Variants in B3GALT1 observed in about 807,000 individuals in gnomAD.
B3GALT1 encodes the protein UDP-Gal:betaGlcNAc beta 1,3-galactosyltransferase, polypeptide 1.
Under a neutral mutation model 23.2 loss-of-function variants are expected in B3GALT1, and 10 were observed. The ratio of observed to expected loss-of-function variants is 0.43; its 90% CI spans 0.27 to 0.73. The LOEUF (loss-of-function observed/expected upper bound fraction) is 0.73, where lower values mean the gene tolerates loss of function less well. Among genes scored for constraint, B3GALT1 ranks in the 30% least tolerant of loss-of-function variants. B3GALT1 has a pLI of 0.21. For synonymous variants in B3GALT1, 156 were observed against 141.5 expected (o/e 1.10, Z -0.73); for missense variants, 299 against 405.4 (o/e 0.74, Z 2.25).
intron 2 of B3GALT1, among the ~76,000 whole-genome samples, chr2:167,623,741 T>TA: frequency 6.6e-6 from 1 of 152,070 alleles, no homozygotes; most frequent in Non-Finnish European, 1.5e-5. Context: ...TCCCAGAACT[T>TA]AAAGTATAAT....
chr2:167,674,325 T>C (rs997971), intron 3 of B3GALT1, among the ~76,000 whole-genome samples: 20,878 of 152,084 alleles, frequency 0.14, 3,736 homozygotes, highest in African/African-American at 0.4. Flanking sequence ...TTTGTCTCCA[T>C]CTCTCCCTGC....
intron 3 of B3GALT1, among the ~76,000 whole-genome samples, chr2:167,721,211 A>G (rs1687227810): frequency 6.6e-6 from 1 of 152,240 alleles, no homozygotes; most frequent in Non-Finnish European, 1.5e-5. Context: ...ACAGTTACAG[A>G]TAATTTATTT....
chr2:167,480,826 A>G (rs1699555007), intron 1 of B3GALT1, among the ~76,000 whole-genome samples: 1 of 152,196 alleles, frequency 6.6e-6, no homozygotes, highest in Non-Finnish European at 1.5e-5. Flanking sequence ...CCAACTGGCC[A>G]GAGTTTCAAC....
chr2:167,298,529 C>T lies in B3GALT1; in HGVS notation c.-511+5195C>T, dbSNP rs185045057. ...ATTTATAAGGCTGGACGTAACTTTG[C>T]AAGTAAAATATTTGTATTTACTTCA... On this transcript the variant is annotated intron_variant, in intron 1 of 4. Coordinates refer to ENST00000392690, the MANE Select transcript of B3GALT1 (RefSeq NM_020981.4). Among the ~76,000 whole-genome samples the T allele has an allele frequency of 2.9e-3, 443 of 152,128 alleles. 2 individuals carry two copies. Among genetic ancestry groups the T allele is most frequent in the Non-Finnish European group, 4.7e-3 (322 of 67,932 alleles).
At position 167,639,596 on chromosome 2, in the gene B3GALT1, G is replaced by A. The variant is rs933883041; in HGVS notation, c.-409-7313G>A. ...AGAAGCTTTATATTAGTGATTACTG[G>A]AGACTTAGATAGACAGAGATACAGA... On this transcript the variant is annotated intron_variant, in intron 2 of 4. Transcript: ENST00000392690. Among the ~76,000 whole-genome samples the A allele has an allele frequency of 8.0e-5, 5 of 62,688 alleles. 1 individual carries two copies. The highest frequency in any genetic ancestry group is 2.1e-4 in the Admixed American group (1 of 4,784). 41.1% of individuals were successfully genotyped at this position (62,688 alleles called of 152,430 possible). A position where few individuals can be genotyped will look rare whatever the true frequency, so the allele number is the denominator to read the frequency against.
At chr2:167,362,599 T>G (rs904855968) in intron 1 of B3GALT1, among the ~76,000 whole-genome samples, 1 of 152,124 alleles carries the variant, frequency 6.6e-6, no homozygotes, top group Non-Finnish European at 1.5e-5. Flanking sequence ...CATGTCCCCG[T>G]TGTCTCTTGC....
chr2:167,695,653 GA>G (rs1686781045), intron 3 of B3GALT1, among the ~76,000 whole-genome samples: 1 of 152,084 alleles, frequency 6.6e-6, no homozygotes, highest in South Asian at 2.1e-4. Flanking sequence ...TAACCTTTGT[GA>G]TCCCACTTGA....
rs1269475180 is a variant in B3GALT1, at chr2:167,663,733, G to A, written c.-352+16767G>A. On this transcript the variant is annotated intron_variant, in intron 3 of 4. Coordinates refer to ENST00000392690, the MANE Select transcript of B3GALT1 (RefSeq NM_020981.4). ...CCAGTGATGGTGAGCATTTTTTCAT[G>A]TGTTTTTTGGCTGCATAAATGTCTT... Among the ~76,000 whole-genome samples the A allele has an allele frequency of 6.6e-5, 10 of 152,014 alleles. No homozygotes were observed. In the East Asian group the frequency reaches 1.9e-3, roughly 30 times the overall value.
intron 1 of B3GALT1, among the ~76,000 whole-genome samples, chr2:167,430,028 A>G (rs1698685360): frequency 6.6e-6 from 1 of 152,250 alleles, no homozygotes; most frequent in Admixed American, 6.5e-5. Context: ...CAGACAAAAT[A>G]TTTAAATAAA....
intron 3 of B3GALT1, among the ~76,000 whole-genome samples, chr2:167,693,935 T>C (rs983838750): frequency 1.3e-5 from 2 of 152,148 alleles, no homozygotes; most frequent in Non-Finnish European, 2.9e-5. Flanking sequence ...AGCTGGGCAG[T>C]TCTTCTTTTC....
intron 1 of B3GALT1, among the ~76,000 whole-genome samples, chr2:167,318,552 A>C (rs2105491217): frequency 6.6e-6 from 1 of 152,112 alleles, no homozygotes; most frequent in Admixed American, 6.5e-5. Flanking sequence ...ATCCAACTTA[A>C]GTTTCTGCAC....
At chr2:167,360,808 T>G (rs974042972) in intron 1 of B3GALT1, among the ~76,000 whole-genome samples, 1 of 152,138 alleles carries the variant, frequency 6.6e-6, no homozygotes, top group Admixed American at 6.6e-5. Context: ...CTAGAACATA[T>G]TCCTTCTATC....
At chr2:167,406,581 G>T (rs1158959306) in intron 1 of B3GALT1, among the ~76,000 whole-genome samples, 2 of 152,126 alleles carry the variant, frequency 1.3e-5, no homozygotes, top group Non-Finnish European at 2.9e-5. Flanking sequence ...TGGTCAGCCG[G>T]CTTCCCCACC....
intron 1 of B3GALT1, among the ~76,000 whole-genome samples, chr2:167,432,658 G>C (rs919920124): frequency 6.6e-6 from 1 of 152,148 alleles, no homozygotes; most frequent in Non-Finnish European, 1.5e-5. Flanking sequence ...GGCATAGATA[G>C]TCCTCCACCT....
chr2:167,580,106 G>A (rs1684457991), intron 2 of B3GALT1, among the ~76,000 whole-genome samples: 1 of 152,134 alleles, frequency 6.6e-6, no homozygotes, highest in Admixed American at 6.5e-5. Context: ...GTACTGTATT[G>A]CATCTTCTGC....
chr2:167,497,781 C>A (rs1299624991), intron 2 of B3GALT1, among the ~76,000 whole-genome samples: 1 of 151,818 alleles, frequency 6.6e-6, no homozygotes, highest in African/African-American at 2.4e-5. Flanking sequence ...CCAGGGCTTA[C>A]AGAGGCCATT....
At chr2:167,616,014 A>G (rs1320892060) in intron 2 of B3GALT1, among the ~76,000 whole-genome samples, 1 of 152,092 alleles carries the variant, frequency 6.6e-6, no homozygotes, top group Non-Finnish European at 1.5e-5. Context: ...TGAGTTATTC[A>G]TGGTCAGGAA....
At chr2:167,515,397 C>T (rs548245495) in intron 2 of B3GALT1, among the ~76,000 whole-genome samples, 1 of 152,214 alleles carries the variant, frequency 6.6e-6, no homozygotes, top group East Asian at 1.9e-4. Context: ...AAATTGTCCT[C>T]CTATTTGTGT....
intron 1 of B3GALT1, among the ~76,000 whole-genome samples, chr2:167,438,359 C>T (rs936217464): frequency 2.6e-5 from 4 of 152,110 alleles, no homozygotes; most frequent in African/African-American, 7.2e-5. Flanking sequence ...AACCAAAGGG[C>T]AGGAAATGGA....
Sources: gnomAD v4.1 joint callset for allele counts (sites outside exome capture counted in the v4.1 genomes callset) on GRCh38, gnomAD v4.1.1 for gene constraint, MANE v1.5 for transcripts, NCBI Gene and HGNC (gene_info 2026-07-23, HGNC 2026-07-21) for gene names.